ALPK1: variants seen among roughly 807,000 people sequenced by gnomAD.
The protein encoded by ALPK1 is alpha-protein kinase 1.
A neutral mutation model predicts 120.6 loss-of-function variants in ALPK1; 110 were observed. That is an observed-to-expected ratio of 0.91 (90% CI 0.78 to 1.07). The LOEUF (loss-of-function observed/expected upper bound fraction) is 1.07. Among genes scored for constraint, ALPK1 ranks in the 50% least tolerant of loss-of-function variants. The pLI is 0.00. For missense variants in ALPK1, 1,498 were observed against 1,483.9 expected, an observed-to-expected ratio of 1.01 and a Z score of -0.16; for synonymous variants, 582 against 560.3, an observed-to-expected ratio of 1.04 and a Z score of -0.55.
intron 4 of ALPK1, among the ~76,000 whole-genome samples, chr4:112,405,918 A>G (rs1733151764): frequency 6.6e-6 from 1 of 152,106 alleles, no homozygotes; most frequent in East Asian, 1.9e-4. Flanking sequence ...GCTCCACAGA[A>G]CCTTGCTGAG....
chr4:112,364,318 A>G (rs1295658371), intron 2 of ALPK1, among the ~76,000 whole-genome samples: 1 of 151,834 alleles, frequency 6.6e-6, no homozygotes, highest in East Asian at 1.9e-4. Context: ...ACCATTAGTG[A>G]GTTAACCAAT....
Position 112,426,556 on chromosome 4 carries a change from G to C in ALPK1, c.699+13G>C. 3.3e-6 allele frequency: 5 copies of C among 1,531,564 alleles called. No homozygotes were observed. Among genetic ancestry groups the C allele is most frequent in the Non-Finnish European group, 4.4e-6 (5 of 1,144,036 alleles). 94.9% of individuals were successfully genotyped at this position (1,531,564 alleles called of 1,614,324 possible). A position where few individuals can be genotyped will look rare whatever the true frequency, so the allele number is the denominator to read the frequency against. On this transcript the variant is annotated intron_variant, in intron 8 of 15. Transcript: ENST00000650871. ...GCCGGATAAAAAGGTGGTTTGTCTA[G>C]TGCTTCTTTTTCTCCTTTCCTGTAT... is the stretch of plus-strand genomic sequence containing the variant.
At chr4:112,415,651 A>G (rs1192498505) in intron 5 of ALPK1, among the ~76,000 whole-genome samples, 1 of 104,026 alleles carries the variant, frequency 9.6e-6, no homozygotes, top group Non-Finnish European at 2.0e-5. Flanking sequence ...AAAAAGAAAG[A>G]AAGAAAACAA....
chr4:112,432,710 C>T (rs1734628542), intron 11 of ALPK1, 129 bp downstream of exon 11: 1 of 862,984 alleles, frequency 1.2e-6, no homozygotes, highest in African/African-American at 1.7e-5. Flanking sequence ...TGTGAGTTCA[C>T]AGAGAAATGT....
At chr4:112,393,966 A>G (rs1343759235) in intron 4 of ALPK1, among the ~76,000 whole-genome samples, 2 of 152,100 alleles carry the variant, frequency 1.3e-5, no homozygotes, top group African/African-American at 4.8e-5. Flanking sequence ...TATAATTCGT[A>G]TTGAGTACAA....
At chr4:112,357,222 T>A (rs1730674629) in intron 2 of ALPK1, 2 of 1,537,184 alleles carry the variant, frequency 1.3e-6, no homozygotes, top group South Asian at 2.4e-5. Flanking sequence ...AAGGGCTGCA[T>A]CCTGGACTCA....
intron 2 of ALPK1, chr4:112,316,275 A>G (rs1407114179): frequency 1.3e-5 from 2 of 152,190 alleles, no homozygotes; most frequent in African/African-American, 2.4e-5. Context: ...GGTACTTCAT[A>G]TAAGTGATAT....
chr4:112,440,811 A>G (rs1475243681), intron 14 of ALPK1, 106 bp from the exon 15 acceptor site: 1 of 1,115,122 alleles, frequency 9.0e-7, no homozygotes, highest in Non-Finnish European at 1.1e-6. Context: ...TTATCTCTTT[A>G]AGTGTGTGTG....
chr4:112,432,226 C>A lies in ALPK1; in HGVS notation c.2679C>A (p.Ser893Arg), dbSNP rs146666327. The A allele has an allele frequency of 1.9e-6, 3 of 1,614,090 alleles. No homozygotes were observed. Among genetic ancestry groups the A allele is most frequent in the African/African-American group, 2.7e-5 (2 of 74,918 alleles). The change falls in exon 11 of 16, where the codon AGC becomes AGA. Residue 893 changes from serine to arginine, a missense_variant. Transcript: ENST00000650871. ...CGGAGACCCCCAATTCCTCTGTAAGCGGTAACATCCTCTTCCCTGTCCTCA... is the reference window on the plus strand; with the variant it reads ...CGGAGACCCCCAATTCCTCTGTAAGAGGTAACATCCTCTTCCCTGTCCTCA... ...QRAETPNSSV[S>R]GNILFPVLSE...
chr4:112,353,868 C>CAAATAAATAAAT lies in ALPK1; in HGVS notation c.-100-23787_-100-23776dup, dbSNP rs150299871. On this transcript the variant is annotated intron_variant, in intron 2 of 15. Transcript: ENST00000650871. ...TGAGCTACAGAGTGAGACTCTGTCT[C>CAAATAAATAAAT]AAATAAATAAATAAATAAATAAATA... Among the ~76,000 whole-genome samples the CAAATAAATAAAT allele has an allele frequency of 2.5e-3, 366 of 148,808 alleles. 1 individual carries two copies. Among genetic ancestry groups the CAAATAAATAAAT allele is most frequent in the African/African-American group, 8.2e-3 (322 of 39,326 alleles).
chr4:112,312,869 A>G (rs1042816026), intron 1 of ALPK1, among the ~76,000 whole-genome samples: 1 of 152,214 alleles, frequency 6.6e-6, no homozygotes, highest in South Asian at 2.1e-4. Context: ...ACAGCTGCCC[A>G]TGCACAAATT....
At chr4:112,393,597 G>C (rs898892462) in intron 4 of ALPK1, among the ~76,000 whole-genome samples, 1 of 152,206 alleles carries the variant, frequency 6.6e-6, no homozygotes, top group African/African-American at 2.4e-5. Context: ...GAAGTGAAGA[G>C]AGAGAGAGAA....
At chr4:112,324,067 CCTGTAATCCCAGCA>C (rs1336645912) in intron 2 of ALPK1, among the ~76,000 whole-genome samples, 1 of 152,202 alleles carries the variant, frequency 6.6e-6, no homozygotes, top group Non-Finnish European at 1.5e-5. Flanking sequence ...GTGGCTCATG[CCTGTAATCCCAGCA>C]CTTTGGGAGG....
chr4:112,382,289 C>CTT (rs34345428), intron 3 of ALPK1, 109 bp from the exon 4 acceptor site: 11,753 of 668,406 alleles, frequency 0.018, 496 homozygotes, highest in African/African-American at 0.12. Context: ...AGGTTTTTCT[C>CTT]TTTTTTTTTT....
rs373641310 is a variant in ALPK1, at chr4:112,301,126, C to T, written c.-153+3657C>T. On this transcript the variant is annotated intron_variant, in intron 1 of 15. Transcript: ENST00000650871. ...TTCAGCTCTAATTAAAGTTTGGACA[C>T]TGCTGGTCAGCCCGTCATCATTTTC... 4.6e-5 allele frequency among the ~76,000 whole-genome samples: 7 copies of T among 152,172 alleles called. No individual in the cohort carries two copies. The East Asian group carries it at 7.7e-4, about 17-fold the overall frequency.
chr4:112,372,889 G>A (rs1173791927), intron 2 of ALPK1, among the ~76,000 whole-genome samples: 1 of 152,128 alleles, frequency 6.6e-6, no homozygotes, highest in Admixed American at 6.5e-5. Flanking sequence ...GAAAACATAA[G>A]CCTTTAGACA....
Position 112,356,275 on chromosome 4 carries a change from G to C in ALPK1, c.-100-21403G>C, listed in dbSNP as rs1189656859. ...AGAGCCCCGCGGGCACAGGCAAGAC[G>C]CTGTGCCTCCTGTGCACCACCCTGG... On this transcript the variant is annotated intron_variant, in intron 2 of 15. Coordinates refer to ENST00000650871, the MANE Select transcript of ALPK1 (RefSeq NM_025144.4). The C allele has an allele frequency of 5.1e-6, 6 of 1,183,480 alleles. No individual in the cohort carries two copies. The South Asian group carries it at 7.3e-5, about 14-fold the overall frequency. The allele number at this position is 1,183,480 out of a possible 1,614,324, so 73.3% of individuals were successfully genotyped here. A position where few individuals can be genotyped will look rare whatever the true frequency, so the allele number is the denominator to read the frequency against.
intron 4 of ALPK1, among the ~76,000 whole-genome samples, chr4:112,409,789 C>T (rs1484232769): frequency 6.6e-6 from 1 of 152,096 alleles, no homozygotes; most frequent in Non-Finnish European, 1.5e-5. Context: ...AGGCCGAGGA[C>T]GCTACGGTCA....
chr4:112,386,282 A>T (rs1051435513), intron 4 of ALPK1, among the ~76,000 whole-genome samples: 2 of 152,156 alleles, frequency 1.3e-5, no homozygotes, highest in African/African-American at 4.8e-5. Flanking sequence ...GGCAGGGGCC[A>T]ACCTCCTTTA....
Sources: gnomAD v4.1 joint callset for allele counts (sites outside exome capture counted in the v4.1 genomes callset) on GRCh38, gnomAD v4.1.1 for gene constraint, MANE v1.5 for transcripts, NCBI Gene and HGNC (gene_info 2026-07-23, HGNC 2026-07-21) for gene names.